The following EXOC4 variants were observed in gnomAD, a reference collection of about 807,000 sequenced individuals.
EXOC4 encodes exocyst complex component 4, also known as SEC8-like 1.
In EXOC4, 71 loss-of-function variants were observed where a neutral mutation model predicts 107.2. That is an observed-to-expected ratio of 0.66 (90% CI 0.55 to 0.81). The LOEUF (loss-of-function observed/expected upper bound fraction) is 0.81, where lower values mean the gene tolerates loss of function less well. Among genes scored for constraint, EXOC4 ranks in the 30% least tolerant of loss-of-function variants. EXOC4 has a pLI of 0.00. For synonymous variants in EXOC4, 456 were observed against 441.2 expected (o/e 1.03, Z -0.42); for missense variants, 1,108 against 1,189.6 (o/e 0.93, Z 1.01).
rs1188210461 is a variant in EXOC4, at chr7:133,965,627, A to G, written c.2206+27558A>G. Among the ~76,000 whole-genome samples, 6 of 152,152 alleles carry G rather than the reference A, an allele frequency of 3.9e-5. No individual in the cohort carries two copies. In the East Asian group the frequency reaches 1.2e-3, roughly 29 times the overall value. On this transcript the variant is annotated intron_variant, in intron 14 of 17. Coordinates refer to ENST00000253861, the MANE Select transcript of EXOC4 (RefSeq NM_021807.4). ...TTTTGTCAGGTTGGTCAAAGATCAG[A>G]TGGTTGTAGATGTGTGGTGTTATTT...
At position 133,640,548 on chromosome 7, in the gene EXOC4, G is replaced by A. The variant is rs1473618488; in HGVS notation, c.1514+10407G>A. ...ATCTTTTGATTTCTTATCTTGTGGG[G>A]CCAAGGAGGTTCTCAGGGCAGTAAG... On this transcript the variant is annotated intron_variant, in intron 10 of 17. Transcript: ENST00000253861. Among the ~76,000 whole-genome samples the A allele has an allele frequency of 2.6e-5, 4 of 152,086 alleles. No individual in the cohort carries two copies. In the East Asian group the frequency reaches 7.7e-4, roughly 29 times the overall value.
intron 17 of EXOC4, among the ~76,000 whole-genome samples, chr7:134,030,938 A>G (rs1340962716): frequency 6.6e-6 from 1 of 151,956 alleles, no homozygotes; most frequent in African/African-American, 2.4e-5. Flanking sequence ...TTTTGCCACC[A>G]CCCTGACTGA....
chr7:133,981,091 G>A (rs1468672214), intron 14 of EXOC4, among the ~76,000 whole-genome samples: 1 of 152,188 alleles, frequency 6.6e-6, no homozygotes, highest in African/African-American at 2.4e-5. Context: ...TGCAAAGTCT[G>A]TACCATGTGT....
chr7:133,973,842 T>G (rs1353988004), intron 14 of EXOC4, among the ~76,000 whole-genome samples: 2 of 152,208 alleles, frequency 1.3e-5, no homozygotes, highest in Non-Finnish European at 2.9e-5. Context: ...GATTTATTTC[T>G]TATAGTTCTG....
intron 17 of EXOC4, among the ~76,000 whole-genome samples, chr7:134,046,277 T>A (rs566234569): frequency 6.6e-5 from 10 of 151,840 alleles, no homozygotes; most frequent in African/African-American, 2.4e-4. Flanking sequence ...AGGCCAGGAG[T>A]TCGAGACCAG....
At chr7:133,668,180 G>A (rs1276483096) in intron 10 of EXOC4, among the ~76,000 whole-genome samples, 2 of 152,112 alleles carry the variant, frequency 1.3e-5, no homozygotes, top group Non-Finnish European at 2.9e-5. Context: ...ATGAATATAG[G>A]CAAGGAATTA....
chr7:134,069,552 C>T (rs1796245179), downstream of EXOC4, among the ~76,000 whole-genome samples: 1 of 152,118 alleles, frequency 6.6e-6, no homozygotes, highest in Non-Finnish European at 1.5e-5. Context: ...GGCTGGAGTG[C>T]ATTGGCACCA....
intron 10 of EXOC4, among the ~76,000 whole-genome samples, chr7:133,758,794 T>G (rs1795970799): frequency 6.6e-6 from 1 of 152,214 alleles, no homozygotes; most frequent in Non-Finnish European, 1.5e-5. Flanking sequence ...TCTTTGAAGT[T>G]TAATAACCTT....
chr7:133,436,908 A>C (rs1397057173), intron 7 of EXOC4, among the ~76,000 whole-genome samples: 1 of 152,236 alleles, frequency 6.6e-6, no homozygotes, highest in South Asian at 2.1e-4. Flanking sequence ...GGAGGCATAT[A>C]ATTTTATATA....
At chr7:134,006,874 A>G (rs944122020) in intron 16 of EXOC4, among the ~76,000 whole-genome samples, 4 of 152,196 alleles carry the variant, frequency 2.6e-5, no homozygotes, top group East Asian at 1.9e-4. Context: ...ACTTAATTAC[A>G]TGGGATATCC....
intron 5 of EXOC4, among the ~76,000 whole-genome samples, chr7:133,332,121 T>C (rs765409418): frequency 6.6e-6 from 1 of 152,204 alleles, no homozygotes; most frequent in Non-Finnish European, 1.5e-5. Context: ...GGCATTTCAT[T>C]TGTGGCCTCT....
At chr7:133,970,195 C>A (rs533842085) in intron 14 of EXOC4, among the ~76,000 whole-genome samples, 2 of 152,144 alleles carry the variant, frequency 1.3e-5, no homozygotes, top group East Asian at 1.9e-4. Flanking sequence ...ACCCCTCCCC[C>A]CACCAAGCTC....
chr7:133,293,750 C>A (rs1220497804), intron 3 of EXOC4, among the ~76,000 whole-genome samples: 1 of 152,182 alleles, frequency 6.6e-6, no homozygotes, highest in Non-Finnish European at 1.5e-5. Context: ...GCAAATAGGT[C>A]TGGCCTTTTG....
chr7:133,470,065 A>C (rs1584942250), intron 7 of EXOC4, among the ~76,000 whole-genome samples: 1 of 152,142 alleles, frequency 6.6e-6, no homozygotes, highest in Admixed American at 6.5e-5. Flanking sequence ...GTGGTTGGGG[A>C]ATAGTTCTTA....
At chr7:133,979,893 T>C (rs541008541) in intron 14 of EXOC4, among the ~76,000 whole-genome samples, 1 of 152,218 alleles carries the variant, frequency 6.6e-6, no homozygotes, top group South Asian at 2.1e-4. Flanking sequence ...AAAATAATGT[T>C]AAAAACACTG....
intron 9 of EXOC4, among the ~76,000 whole-genome samples, chr7:133,541,422 A>G (rs1800377439): frequency 6.6e-6 from 1 of 152,224 alleles, no homozygotes; most frequent in African/African-American, 2.4e-5. Context: ...CTCCTTAAAT[A>G]GTTGCCTCAT....
chr7:133,700,480 T>A (rs1794634446), intron 10 of EXOC4, among the ~76,000 whole-genome samples: 1 of 152,208 alleles, frequency 6.6e-6, no homozygotes, highest in Admixed American at 6.5e-5. Flanking sequence ...ATATGCTCTA[T>A]AAGTTTTGAC....
intron 9 of EXOC4, among the ~76,000 whole-genome samples, chr7:133,627,448 A>G (rs1442360438): frequency 1.3e-5 from 2 of 152,208 alleles, no homozygotes; most frequent in East Asian, 3.8e-4. Context: ...CGTAAAGGTT[A>G]TCAAAAGACA....
intron 6 of EXOC4, among the ~76,000 whole-genome samples, chr7:133,357,230 A>G (rs1025318821): frequency 4.6e-5 from 7 of 152,230 alleles, no homozygotes; most frequent in Admixed American, 6.5e-5. Flanking sequence ...CAATTTATGT[A>G]TATTATCTCA....
Sources: allele counts gnomAD v4.1 joint callset (sites outside exome capture counted in the v4.1 genomes callset), GRCh38; gene constraint gnomAD v4.1.1; transcripts MANE v1.5; gene names NCBI Gene and HGNC (gene_info 2026-07-23, HGNC 2026-07-21).